Variants in PCDHGA2 observed in about 807,000 individuals in gnomAD.
PCDHGA2 encodes the protein protocadherin gamma-A2.
In PCDHGA2, 40 loss-of-function variants were observed where a neutral mutation model predicts 59.2. That is an observed-to-expected ratio of 0.68 (90% CI 0.52 to 0.88). The LOEUF is 0.88. Ranked by LOEUF, PCDHGA2 falls within the 40% of genes least tolerant of loss-of-function variation. The pLI, the probability that PCDHGA2 is intolerant of heterozygous loss-of-function variation, is 0.00. For synonymous variants in PCDHGA2, 560 were observed against 526.0 expected, an observed-to-expected ratio of 1.06 and a Z score of -0.89; for missense variants, 1,226 against 1,204.0, an observed-to-expected ratio of 1.02 and a Z score of -0.27.
chr5:141,431,674 G>A lies in PCDHGA2; in HGVS notation c.2425-63133G>A, dbSNP rs756385496. ...ATTCAGGGACAATATCAACAATAGG[G>A]GAGTTGGACCACGAGGAGTCAGGAT... On this transcript the variant is annotated intron_variant, in intron 1 of 3. Transcript: ENST00000394576. The surrounding 1 kb of genome is among the most constrained non-coding windows in gnomAD (Gnocchi z 4.8). 4 of 1,614,234 alleles carry A rather than the reference G, an allele frequency of 2.5e-6. No individual in the cohort carries two copies. The Admixed American group carries it at 6.7e-5, about 27-fold the overall frequency.
rs142587256 is a variant in PCDHGA2, at chr5:141,338,891, A to C, written c.-81A>C. 2.0e-6 allele frequency: 3 copies of C among 1,473,840 alleles called. No homozygotes were observed. The African/African-American group carries it at 4.2e-5, about 21-fold the overall frequency. 91.3% of individuals were successfully genotyped at this position (1,473,840 alleles called of 1,614,324 possible). A position where few individuals can be genotyped will look rare whatever the true frequency, so the allele number is the denominator to read the frequency against. Reference sequence around the variant, plus strand: ...GACCTGGGTCCCGTGAATGCTGGTTATCTCACACCCTGAGGAATAAAGATT... The same window carrying C: ...GACCTGGGTCCCGTGAATGCTGGTTCTCTCACACCCTGAGGAATAAAGATT... On this transcript the variant is annotated 5_prime_UTR_variant, in exon 1 of 4. Coordinates refer to ENST00000394576, the MANE Select transcript of PCDHGA2 (RefSeq NM_018915.4).
chr5:141,421,353 G>C, intron 1 of PCDHGA2: 1 of 1,613,998 alleles, frequency 6.2e-7, no homozygotes, highest in Non-Finnish European at 8.5e-7. Flanking sequence ...AGACCGAAAA[G>C]GGCTCCTTCG....
Position 141,485,932 on chromosome 5 carries a change from G to A in PCDHGA2, c.2425-8875G>A. ...CCAGCTACAGGATTAGTGTGTTGGA[G>A]AGCGCACCAGCGGGCATGGTGCTCA... On this transcript the variant is annotated intron_variant, in intron 1 of 3. Transcript: ENST00000394576. The surrounding 1 kb of genome is among the most constrained non-coding windows in gnomAD (Gnocchi z 5.7). The A allele has an allele frequency of 6.2e-7, 1 of 1,614,184 alleles. No homozygotes were observed. The highest frequency in any genetic ancestry group is 8.5e-7 in the Non-Finnish European group (1 of 1,180,042).
At chr5:141,353,075 G>A (rs544415302) in intron 1 of PCDHGA2, among the ~76,000 whole-genome samples, 44 of 152,198 alleles carry the variant, frequency 2.9e-4, no homozygotes, top group African/African-American at 1.1e-3. Context: ...TCTAGTGATG[G>A]TATCTACTGC....
chr5:141,489,491 T>C lies in PCDHGA2; in HGVS notation c.2425-5316T>C. On this transcript the variant is annotated intron_variant, in intron 1 of 3. Transcript: ENST00000394576. This position sits in a 1 kb window ranked among gnomAD's most constrained non-coding sequence, Gnocchi z 4.5. ...TCCCTGAGCTTGATGAGTGGTGCCC[T>C]GGCAGTGAATCAAAAGATTGACCGA... The C allele has an allele frequency of 6.2e-7, 1 of 1,614,066 alleles. No individual in the cohort carries two copies. The highest frequency in any genetic ancestry group is 8.5e-7 in the Non-Finnish European group (1 of 1,180,024).
Position 141,393,514 on chromosome 5 carries a change from A to T in PCDHGA2, c.2424+52119A>T, listed in dbSNP as rs72492419. 17 of 1,613,912 alleles carry T rather than the reference A, an allele frequency of 1.1e-5. No individual in the cohort carries two copies. In the East Asian group the frequency reaches 3.8e-4, roughly 36 times the overall value. Reference sequence around the variant, plus strand: ...GTGCGCATCCACGTGACAGTGTTGGATACAAATGACAATGCCCCGGTTTTT... The same window carrying T: ...GTGCGCATCCACGTGACAGTGTTGGTTACAAATGACAATGCCCCGGTTTTT... On this transcript the variant is annotated intron_variant, in intron 1 of 3. Coordinates refer to ENST00000394576, the MANE Select transcript of PCDHGA2 (RefSeq NM_018915.4).
intron 1 of PCDHGA2, chr5:141,364,987 C>G (rs1267926945): frequency 6.2e-7 from 1 of 1,613,904 alleles, no homozygotes; most frequent in African/African-American, 1.3e-5. Context: ...ATGGCGGAGA[C>G]CCGGTACTCT....
chr5:141,370,642 A>G (rs944377529), intron 1 of PCDHGA2: 1 of 1,613,836 alleles, frequency 6.2e-7, no homozygotes, highest in Non-Finnish European at 8.5e-7. Context: ...GAAAATGGGA[A>G]CTTACTTGTG....
intron 1 of PCDHGA2, among the ~76,000 whole-genome samples, chr5:141,387,290 A>G (rs2090890389): frequency 6.6e-6 from 1 of 152,168 alleles, no homozygotes; most frequent in Non-Finnish European, 1.5e-5. Flanking sequence ...GAAAGATAAA[A>G]TGTATCCAGT....
At chr5:141,387,214 A>G (rs189405322) in intron 1 of PCDHGA2, among the ~76,000 whole-genome samples, 1 of 152,346 alleles carries the variant, frequency 6.6e-6, no homozygotes, top group African/African-American at 2.4e-5. Context: ...TACTCTCCGG[A>G]AAAAGTTGAA....
At chr5:141,507,443 G>A (rs2099860678) in intron 3 of PCDHGA2, among the ~76,000 whole-genome samples, 2 of 152,200 alleles carry the variant, frequency 1.3e-5, no homozygotes. Flanking sequence ...TACAGCTGAC[G>A]GAAGGACAGA....
At chr5:141,356,240 TCA>T in intron 1 of PCDHGA2, 1 of 1,584,290 alleles carries the variant, frequency 6.3e-7, no homozygotes, top group Non-Finnish European at 8.6e-7. Context: ...GCACCAGAAG[TCA>T]CAGTTACATC....
rs1358386511 is a variant in PCDHGA2, at chr5:141,339,321, A to G, written c.350A>G (p.Tyr117Cys). The G allele has an allele frequency of 1.2e-6, 2 of 1,614,274 alleles. No individual in the cohort carries two copies. The highest frequency in any genetic ancestry group is 1.7e-6 in the Non-Finnish European group (2 of 1,180,048). Residue 117 changes from tyrosine to cysteine, a missense_variant, in exon 1 of 4, where the codon TAT becomes TGT. Tyr to Cys is a radical substitution (Grantham distance 194). Coordinates refer to ENST00000394576, the MANE Select transcript of PCDHGA2 (RefSeq NM_018915.4). ...NILLEDKLTI[Y>C]SVEVEITDIN... The stretch of plus-strand genomic sequence containing the variant: ...CTGCTGGAGGATAAATTGACTATTT[A>G]TTCAGTAGAGGTGGAAATAACAGAT...
chr5:141,501,327 AC>A (rs1208116606), intron 2 of PCDHGA2, among the ~76,000 whole-genome samples: 2 of 151,364 alleles, frequency 1.3e-5, no homozygotes, highest in Non-Finnish European at 2.9e-5. Context: ...ACACACACAC[AC>A]ACACACCCCA....
chr5:141,392,869 T>G, intron 1 of PCDHGA2: 4 of 1,613,228 alleles, frequency 2.5e-6, no homozygotes, highest in Non-Finnish European at 3.4e-6. Flanking sequence ...CTGTGCGCGC[T>G]GCTGGGAACG....
intron 1 of PCDHGA2, chr5:141,365,502 C>A (rs373907411): frequency 7.6e-5 from 122 of 1,613,800 alleles, no homozygotes; most frequent in Admixed American, 1.3e-4. Context: ...AGGAATTTGC[C>A]TTTTAAATTG....
chr5:141,446,253 A>T (rs1452074783), intron 1 of PCDHGA2, among the ~76,000 whole-genome samples: 3 of 152,164 alleles, frequency 2.0e-5, no homozygotes, highest in African/African-American at 7.2e-5. Context: ...CTTCAGTGAA[A>T]TATTATTAAC....
intron 1 of PCDHGA2, chr5:141,427,998 C>G: frequency 6.2e-7 from 1 of 1,600,956 alleles, no homozygotes; most frequent in Non-Finnish European, 8.6e-7. Context: ...TGGCTCCGCA[C>G]TCTTCGATAT....
At chr5:141,439,523 T>A (rs2098118339) in intron 1 of PCDHGA2, among the ~76,000 whole-genome samples, 1 of 152,202 alleles carries the variant, frequency 6.6e-6, no homozygotes, top group African/African-American at 2.4e-5. Context: ...CAACTAACTC[T>A]ACAGAACGCT....
Sources: allele counts gnomAD v4.1 joint callset (sites outside exome capture counted in the v4.1 genomes callset), GRCh38; gene constraint gnomAD v4.1.1; non-coding constraint Gnocchi (gnomAD v3.1); transcripts MANE v1.5; gene names NCBI Gene and HGNC (gene_info 2026-07-23, HGNC 2026-07-21).